Variants in ZNF236 observed in about 807,000 individuals in gnomAD.
ZNF236 encodes the protein regulated by glucose.
Under a neutral mutation model 191.2 loss-of-function variants are expected in ZNF236, and 50 were observed. The ratio of observed to expected loss-of-function variants is 0.26; its 90% CI spans 0.21 to 0.33. The LOEUF (loss-of-function observed/expected upper bound fraction) is 0.33. Ranked by LOEUF, ZNF236 falls within the 10% of genes least tolerant of loss-of-function variation. ZNF236 has a pLI of 1.00. For missense variants in ZNF236, 1,754 were observed against 2,374.5 expected, an observed-to-expected ratio of 0.74 and a Z score of 5.43; for synonymous variants, 907 against 928.8, an observed-to-expected ratio of 0.98 and a Z score of 0.43.
intron 20 of ZNF236, 120 bp from the exon 21 acceptor site, chr18:76,922,951 A>T: frequency 1.4e-6 from 1 of 706,152 alleles, no homozygotes; most frequent in Non-Finnish European, 2.4e-6. Context: ...TGAAGCTTAA[A>T]GTTTTTCTTG....
chr18:76,947,467 ATTGC>A (rs1223413694), intron 26 of ZNF236, 50 bp from the exon 27 acceptor site: 1 of 1,580,706 alleles, frequency 6.3e-7, no homozygotes, highest in Non-Finnish European at 8.6e-7. Context: ...CTTTTAAATT[ATTGC>A]TTGTTTTGCT....
intron 3 of ZNF236, among the ~76,000 whole-genome samples, chr18:76,856,522 C>T (rs1219469465): frequency 1.3e-5 from 2 of 152,118 alleles, no homozygotes; most frequent in Admixed American, 1.3e-4. Context: ...AAAGTTGTCT[C>T]CTCCAATCTG....
intron 1 of ZNF236, among the ~76,000 whole-genome samples, chr18:76,841,694 C>CTT (rs371645927): frequency 1.8e-4 from 23 of 128,838 alleles, no homozygotes; most frequent in South Asian, 2.5e-4. Flanking sequence ...TTTTTTTTTT[C>CTT]TTTTTTTTTT....
intron 1 of ZNF236, among the ~76,000 whole-genome samples, chr18:76,844,648 A>G (rs947863705): frequency 6.6e-6 from 1 of 152,206 alleles, no homozygotes; most frequent in Non-Finnish European, 1.5e-5. Flanking sequence ...GAGATTTTAA[A>G]TGCACACTGC....
chr18:76,892,256 T>C (rs1977269351), intron 9 of ZNF236, among the ~76,000 whole-genome samples: 1 of 150,130 alleles, frequency 6.7e-6, no homozygotes, highest in Admixed American at 6.6e-5. Flanking sequence ...CTAGGTTTGT[T>C]AGATTATATG....
intron 19 of ZNF236, among the ~76,000 whole-genome samples, chr18:76,918,018 CT>C (rs1967420069): frequency 6.6e-6 from 1 of 152,024 alleles, no homozygotes; most frequent in African/African-American, 2.4e-5. Flanking sequence ...CTTTTATGTG[CT>C]AAGAAAAATT....
In ZNF236 at chr18:76,843,803, A is replaced by AAAAAAAAAAAAAAAAAAAAAAAAG. The variant is rs71172383; in HGVS notation, c.56-5721_56-5720insAAAAAAAAAAAAAAAAAAAAAGAA. Among the ~76,000 whole-genome samples, 153 of 62,088 alleles carry AAAAAAAAAAAAAAAAAAAAAAAAG rather than the reference A, an allele frequency of 2.5e-3. 60 individuals carry two copies. The highest frequency in any genetic ancestry group is 2.9e-3 in the Non-Finnish European group (101 of 35,428). 40.7% of individuals were successfully genotyped at this position (62,088 alleles called of 152,430 possible). The stretch of plus-strand genomic sequence containing the variant: ...AAAAAAAAAAAAAAAAAAAAAAAAA[A>AAAAAAAAAAAAAAAAAAAAAAAAG]AAGTAAAGAAGAGACCGGGCGCAGT... On this transcript the variant is annotated intron_variant, in intron 1 of 30. Transcript: ENST00000320610.
chr18:76,888,974 G>A (rs577093752), intron 9 of ZNF236, among the ~76,000 whole-genome samples: 11 of 152,314 alleles, frequency 7.2e-5, no homozygotes, highest in African/African-American at 2.2e-4. Context: ...AAGAGAACAC[G>A]TCTAGGCTTT....
intron 9 of ZNF236, among the ~76,000 whole-genome samples, chr18:76,891,223 T>G (rs548792593): frequency 3.7e-4 from 56 of 152,324 alleles, no homozygotes; most frequent in Non-Finnish European, 7.4e-4. Context: ...TTTGCCTTTT[T>G]GAGCTGAAAA....
intron 1 of ZNF236, among the ~76,000 whole-genome samples, chr18:76,829,682 G>A (rs2122386227): frequency 6.6e-6 from 1 of 152,244 alleles, no homozygotes; most frequent in South Asian, 2.1e-4. Flanking sequence ...AAACCTCTTT[G>A]TTGTTAGGTT....
At chr18:76,926,909 C>A in intron 22 of ZNF236, 128 bp from the exon 23 acceptor site, 1 of 1,146,444 alleles carries the variant, frequency 8.7e-7, no homozygotes, top group Non-Finnish European at 1.2e-6. Context: ...TCGTATTCCA[C>A]AACAACATTG....
intron 11 of ZNF236, among the ~76,000 whole-genome samples, chr18:76,900,609 AAAG>A (rs1312859208): frequency 1.3e-5 from 2 of 152,244 alleles, no homozygotes; most frequent in Non-Finnish European, 2.9e-5. Context: ...CATTACATGA[AAAG>A]AAGGACTCGA....
intron 9 of ZNF236, chr18:76,886,242 C>T (rs548807799): frequency 2.6e-5 from 4 of 152,322 alleles, no homozygotes; most frequent in African/African-American, 9.6e-5. Context: ...TGAAAGGATT[C>T]ATTGTTTCTT....
chr18:76,859,542 A>G (rs1271234486), intron 3 of ZNF236, among the ~76,000 whole-genome samples: 1 of 152,108 alleles, frequency 6.6e-6, no homozygotes, highest in African/African-American at 2.4e-5. Context: ...TCCTATTTAC[A>G]ATCATTCGTA....
chr18:76,848,670 G>A (rs1409615559), intron 1 of ZNF236, among the ~76,000 whole-genome samples: 1 of 152,136 alleles, frequency 6.6e-6, no homozygotes, highest in African/African-American at 2.4e-5. Context: ...AGAGAGCAAA[G>A]GTTTTATTTT....
intron 25 of ZNF236, 26 bp from the exon 26 acceptor site, chr18:76,937,130 A>C: frequency 6.2e-7 from 1 of 1,605,304 alleles, no homozygotes; most frequent in South Asian, 1.1e-5. Context: ...CTTCCCATTG[A>C]TCTACTTACT....
chr18:76,947,705 G>A (rs936386189), intron 27 of ZNF236, 53 bp downstream of exon 27: 7 of 1,586,618 alleles, frequency 4.4e-6, no homozygotes, highest in African/African-American at 4.0e-5. Flanking sequence ...AAAACATACA[G>A]ATTCAGAAGG....
chr18:76,895,055 C>A lies in ZNF236; in HGVS notation c.1460C>A (p.Pro487His). The change falls in exon 10 of 31, where the codon CCC becomes CAC. Residue 487 changes from proline (P) to histidine (H), a missense_variant. This residue lies in a region of ZNF236 where 126 missense variants were observed against 110.9 expected (regional missense o/e 1.14). Transcript: ENST00000320610. ...AACGGCGTGCGCTGGCATGTGTGTC[C>A]CTACTGCGCCAAGGAGTTCCGCAAG... ...EENGVRWHVC[P>H]YCAKEFRKPS... The A allele has an allele frequency of 6.2e-7, 1 of 1,611,522 alleles. No individual in the cohort carries two copies. The highest frequency in any genetic ancestry group is 8.5e-7 in the Non-Finnish European group (1 of 1,179,992).
At chr18:76,826,755 G>A (rs572891640) in intron 1 of ZNF236, among the ~76,000 whole-genome samples, 1,589 of 148,106 alleles carry the variant, frequency 0.011, 25 homozygotes, top group African/African-American at 0.038. Context: ...AGCTGAGGTC[G>A]CGCCACTGCA....
Sources: gnomAD v4.1 joint callset for allele counts (sites outside exome capture counted in the v4.1 genomes callset) on GRCh38, gnomAD v4.1.1 for gene constraint, gnomAD v4.1.1 regional missense constraint, MANE v1.5 for transcripts, NCBI Gene and HGNC (gene_info 2026-07-23, HGNC 2026-07-21) for gene names.